The following ANKRD11 variants were observed in gnomAD, a reference collection of about 807,000 sequenced individuals.
ANKRD11 encodes ankyrin repeat domain 11.
ANKRD11 carries 17 observed loss-of-function variants against 195.7 expected under a neutral mutation model. The observed-to-expected ratio is 0.09, with a 90% CI of 0.06 to 0.13. The LOEUF is 0.13. ANKRD11 is among the 10% of genes least tolerant of loss of function. The pLI is 1.00. For missense variants in ANKRD11, 3,735 were observed against 3,566.1 expected, an observed-to-expected ratio of 1.05 and a Z score of -1.21; for synonymous variants, 1,953 against 1,528.1, an observed-to-expected ratio of 1.28 and a Z score of -6.49.
At chr16:89,432,008 T>C (rs1360130396) in intron 1 of ANKRD11, among the ~76,000 whole-genome samples, 1 of 152,124 alleles carries the variant, frequency 6.6e-6, no homozygotes, top group Non-Finnish European at 1.5e-5. Context: ...CACTCCTCCC[T>C]ACTGCAACCG....
intron 2 of ANKRD11, among the ~76,000 whole-genome samples, chr16:89,334,144 TAAAAA>T (rs869142504): frequency 5.3e-4 from 22 of 41,414 alleles, no homozygotes; most frequent in Admixed American, 3.5e-3. Flanking sequence ...CCCTGTGTTT[TAAAAA>T]AAAAAAAAAA....
intron 2 of ANKRD11, among the ~76,000 whole-genome samples, chr16:89,391,571 A>G (rs2041201584): frequency 6.6e-6 from 1 of 152,192 alleles, no homozygotes. Context: ...GAAAAATCTG[A>G]GTTTTCCCCC....
In ANKRD11 at chr16:89,451,411, C is replaced by CTTTTT. The variant is rs66712285; in HGVS notation, c.-144-33048_-144-33044dup. On this transcript the variant is annotated intron_variant, in intron 1 of 12. Coordinates refer to ENST00000301030, the MANE Select transcript of ANKRD11 (RefSeq NM_013275.6). ...ATTATGGTGATGATTTCACAAATTACTTTTTTTTTTTTTTTTTTGAGACGA... is the reference window on the plus strand; with the variant it reads ...ATTATGGTGATGATTTCACAAATTACTTTTTTTTTTTTTTTTTTTTTTTGAGACGA... Among the ~76,000 whole-genome samples the CTTTTT allele has an allele frequency of 4.1e-4, 53 of 130,160 alleles. 2 individuals carry two copies. The highest frequency in any genetic ancestry group is 1.1e-3 in the Admixed American group (13 of 12,182). The allele number at this position is 130,160 out of a possible 152,430, so 85.4% of individuals were successfully genotyped here.
At chr16:89,456,307 G>A (rs900945210) in intron 1 of ANKRD11, among the ~76,000 whole-genome samples, 5 of 151,834 alleles carry the variant, frequency 3.3e-5, no homozygotes, top group Admixed American at 1.3e-4. Flanking sequence ...CCAGCACTTC[G>A]GGAGGGCAAG....
At chr16:89,286,291 G>A (rs917063252) in intron 7 of ANKRD11, 105 bp from the exon 8 acceptor site, 16 of 1,498,792 alleles carry the variant, frequency 1.1e-5, no homozygotes, top group East Asian at 9.0e-5. Flanking sequence ...GGTTCGACCC[G>A]AGAGCAGCCC....
rs1485803205 is a variant in ANKRD11, at chr16:89,285,539, C to T, written c.1003G>A (p.Glu335Lys). The T allele has an allele frequency of 1.9e-6, 3 of 1,613,936 alleles. No homozygotes were observed. The highest frequency in any genetic ancestry group is 2.5e-6 in the Non-Finnish European group (3 of 1,179,968). The change falls in exon 9 of 13, where the codon GAG becomes AAG. Residue 335 changes from glutamate (E) to lysine (K), a missense_variant. By Grantham distance (56) the Glu-to-Lys change is moderately conservative (BLOSUM62 1). Transcript: ENST00000301030. This position sits in a 1 kb window ranked among gnomAD's most constrained non-coding sequence, Gnocchi z 5.6. ...ACGGGGGCCGTGGCCTTCTGTGGCT[C>T]TGGGTTCTTGGCCTTGTGCTTGAGG... The part of the protein sequence containing the change: ...KGLKHKAKNP[E>K]PQKATAPVKD...
chr16:89,422,614 G>A (rs547823238), intron 1 of ANKRD11, among the ~76,000 whole-genome samples: 11 of 152,208 alleles, frequency 7.2e-5, no homozygotes, highest in East Asian at 5.8e-4. Context: ...CTCTCCCCTC[G>A]CTTTGTTGCA....
intron 2 of ANKRD11, chr16:89,323,359 T>G: frequency 7.8e-7 from 1 of 1,285,702 alleles, no homozygotes; most frequent in Non-Finnish European, 1.0e-6. Flanking sequence ...ACCACTGGCC[T>G]CTCACCTCTC....
At chr16:89,462,058 C>T (rs1038074172) in intron 1 of ANKRD11, among the ~76,000 whole-genome samples, 185 of 42,338 alleles carry the variant, frequency 4.4e-3, no homozygotes, top group African/African-American at 9.8e-3. Context: ...CCCTCTCCCT[C>T]TCCCTCTCTC....
At chr16:89,474,055 G>A (rs535500229) in intron 1 of ANKRD11, among the ~76,000 whole-genome samples, 1 of 152,292 alleles carries the variant, frequency 6.6e-6, no homozygotes, top group East Asian at 1.9e-4. Flanking sequence ...AGAGTCAAGA[G>A]GAGACCTCAA....
At chr16:89,277,019 G>A (rs1365937291) in intron 9 of ANKRD11, among the ~76,000 whole-genome samples, 1 of 149,842 alleles carries the variant, frequency 6.7e-6, no homozygotes, top group Non-Finnish European at 1.5e-5. Flanking sequence ...TCACGCCACT[G>A]CACTCCAGCC....
chr16:89,305,662 C>T (rs1017698179), intron 3 of ANKRD11, among the ~76,000 whole-genome samples: 20 of 147,806 alleles, frequency 1.4e-4, no homozygotes, highest in African/African-American at 4.7e-4. Context: ...CGCAGACACG[C>T]GCTACCTCCC....
chr16:89,455,753 G>C (rs1188327815), intron 1 of ANKRD11, among the ~76,000 whole-genome samples: 1 of 152,102 alleles, frequency 6.6e-6, no homozygotes, highest in African/African-American at 2.4e-5. Flanking sequence ...TCAAAGAATT[G>C]GGGCTGTACA....
chr16:89,458,508 G>C (rs2056533888), intron 1 of ANKRD11, among the ~76,000 whole-genome samples: 1 of 152,212 alleles, frequency 6.6e-6, no homozygotes, highest in Non-Finnish European at 1.5e-5. Flanking sequence ...ACAGGCGTGA[G>C]CCACCGTGCC....
intron 2 of ANKRD11, among the ~76,000 whole-genome samples, chr16:89,326,997 AATGCAGAGGGGGAATGCAGAGGTGGGG>A (rs2037764897): frequency 1.3e-5 from 2 of 151,642 alleles, no homozygotes; most frequent in South Asian, 4.2e-4. Context: ...AGAGGTGGGG[AATGCAGAGGGGGAATGCAGAGGTGGGG>A]AATGCAGAGG....
intron 11 of ANKRD11, chr16:89,271,340 C>T (rs900372693): frequency 6.9e-6 from 2 of 289,750 alleles, no homozygotes; most frequent in African/African-American, 2.2e-5. Flanking sequence ...AGGGTTCAAG[C>T]GATTCTCCTG....
chr16:89,422,651 G>A (rs112261096), intron 1 of ANKRD11, among the ~76,000 whole-genome samples: 31 of 152,144 alleles, frequency 2.0e-4, no homozygotes, highest in Admixed American at 6.5e-5. Flanking sequence ...CACTGCTCTC[G>A]ACGAACAGTC....
chr16:89,355,303 C>T (rs1043177694), intron 2 of ANKRD11, among the ~76,000 whole-genome samples: 1 of 151,908 alleles, frequency 6.6e-6, no homozygotes, highest in Admixed American at 6.6e-5. Context: ...GGAAGGCGGG[C>T]GGACGGCTCA....
intron 1 of ANKRD11, chr16:89,420,355 C>A (rs1489404793): frequency 1.3e-5 from 2 of 152,210 alleles, no homozygotes; most frequent in South Asian, 2.1e-4. Context: ...TGAGCAGCGT[C>A]GGTCTTCTAG....
Sources: allele counts gnomAD v4.1 joint callset (sites outside exome capture counted in the v4.1 genomes callset), GRCh38; gene constraint gnomAD v4.1.1; non-coding constraint Gnocchi (gnomAD v3.1); transcripts MANE v1.5; gene names NCBI Gene and HGNC (gene_info 2026-07-23, HGNC 2026-07-21).